Variants in TTYH2 observed in about 807,000 individuals in gnomAD.
TTYH2 encodes tweety family member 2.
A neutral mutation model predicts 68.3 loss-of-function variants in TTYH2; 49 were observed. That is an observed-to-expected ratio of 0.72 (90% confidence interval 0.57 to 0.91). The LOEUF (loss-of-function observed/expected upper bound fraction) is 0.91, where lower values mean the gene tolerates loss of function less well. TTYH2 is among the 40% of genes least tolerant of loss of function. The probability of loss-of-function intolerance (pLI) is 0.00; values close to 1 mark genes in which losing one functional copy is unlikely to be tolerated. For missense variants in TTYH2, 631 were observed against 700.4 expected, an observed-to-expected ratio of 0.90 and a Z score of 1.12; for synonymous variants, 272 against 300.8, an observed-to-expected ratio of 0.90 and a Z score of 0.99.
intron 2 of TTYH2, among the ~76,000 whole-genome samples, 187 bp from the exon 3 acceptor site, chr17:74,230,701 C>T (rs141553680): frequency 6.6e-6 from 1 of 151,786 alleles, no homozygotes; most frequent in East Asian, 1.9e-4. Flanking sequence ...AGTGCAGTGC[C>T]ATGATCTTGG....
chr17:74,229,600 C>T (rs1046415285), intron 2 of TTYH2, among the ~76,000 whole-genome samples: 3 of 152,092 alleles, frequency 2.0e-5, no homozygotes, highest in Admixed American at 1.3e-4. Context: ...TCAGAATTGC[C>T]AGAACTTGGA....
At position 74,213,642 on chromosome 17, in the gene TTYH2, A is replaced by G. The variant is rs750609138; in HGVS notation, c.55A>G (p.Ser19Gly). Residue 19 changes from serine (S) to glycine (G), a missense_variant, in exon 1 of 14, where the codon AGC becomes GGC. Coordinates refer to ENST00000269346, the MANE Select transcript of TTYH2 (RefSeq NM_032646.6). This position sits in a 1 kb window ranked among gnomAD's most constrained non-coding sequence, Gnocchi z 6.1. ...TCCCTGGTGGGTCGTGTGGCTGCACAGCGTCCCGCACGTCGGCCTGCGCCT... is the reference window on the plus strand; with the variant it reads ...TCCCTGGTGGGTCGTGTGGCTGCACGGCGTCCCGCACGTCGGCCTGCGCCT... ...IAPWWVVWLH[S>G]VPHVGLRLQP... 7.4e-6 allele frequency: 12 copies of G among 1,611,744 alleles called. No individual in the cohort carries two copies. In the South Asian group the frequency reaches 1.3e-4, roughly 18 times the overall value.
In TTYH2 at chr17:74,213,671, G is replaced by C; in HGVS notation, c.84G>C (p.Gln28His). The part of the protein sequence containing the change: ...HSVPHVGLRL[Q>H]PVNSTFSPGD... ...TCCCGCACGTCGGCCTGCGCCTGCA[G>C]CCCGTGAACAGCACCTTCAGCCCCG... Residue 28 changes from glutamine (Q) to histidine (H), a missense_variant, in exon 1 of 14, where the codon CAG (glutamine) becomes CAC (histidine). Coordinates refer to ENST00000269346, the MANE Select transcript of TTYH2 (RefSeq NM_032646.6). This position sits in a 1 kb window ranked among gnomAD's most constrained non-coding sequence, Gnocchi z 6.1. The C allele has an allele frequency of 6.2e-7, 1 of 1,612,976 alleles. No individual in the cohort carries two copies. The highest frequency in any genetic ancestry group is 8.5e-7 in the Non-Finnish European group (1 of 1,179,724).
Position 74,252,299 on chromosome 17 carries a change from C to T in TTYH2, c.1182C>T (p.Leu394=). ...TCCAGGGCTTGCTGTACCTTGGCCTCTTCTCCTTCCTGGCCGCCCTCGCCT... is the reference window on the plus strand; with the variant it reads ...TCCAGGGCTTGCTGTACCTTGGCCTTTTCTCCTTCCTGGCCGCCCTCGCCT... ...DGLQGLLYLG[L]FSFLAALAFS... is the part of the protein sequence containing the mutation. Residue 394 remains leucine (L), a synonymous_variant, in exon 11 of 14, where the codon CTC becomes CTT. Coordinates refer to ENST00000269346, the MANE Select transcript of TTYH2 (RefSeq NM_032646.6). 1 of 1,613,944 alleles carries T rather than the reference C, an allele frequency of 6.2e-7. No individual in the cohort carries two copies. The highest frequency in any genetic ancestry group is 8.5e-7 in the Non-Finnish European group (1 of 1,180,042).
At chr17:74,257,122 T>C (rs2050701083) in intron 13 of TTYH2, 1 of 152,260 alleles carries the variant, frequency 6.6e-6, no homozygotes, top group African/African-American at 2.4e-5. Context: ...AATTACTCTA[T>C]GCACTGTGAT....
chr17:74,223,770 G>T (rs888345833), intron 2 of TTYH2, among the ~76,000 whole-genome samples: 1 of 152,190 alleles, frequency 6.6e-6, no homozygotes, highest in Non-Finnish European at 1.5e-5. Context: ...CAGCAGGCTG[G>T]CAGCCAGGCA....
chr17:74,233,966 G>A (rs903210645), intron 3 of TTYH2, among the ~76,000 whole-genome samples: 1 of 152,182 alleles, frequency 6.6e-6, no homozygotes, highest in Non-Finnish European at 1.5e-5. Context: ...TTTCAGAGCA[G>A]AAACCAGAAC....
chr17:74,242,364 A>T (rs191043461), intron 4 of TTYH2, among the ~76,000 whole-genome samples: 1 of 152,238 alleles, frequency 6.6e-6, no homozygotes, highest in East Asian at 1.9e-4. Context: ...GCCTGGCACA[A>T]ATGTTGTTTA....
intron 6 of TTYH2, chr17:74,248,135 G>A (rs2050579829): frequency 2.5e-6 from 1 of 394,674 alleles, no homozygotes; most frequent in Non-Finnish European, 3.4e-6. Flanking sequence ...CACTCAGAGG[G>A]GTCCCCTGCC....
Position 74,260,854 on chromosome 17 carries a change from GGT to G in TTYH2, c.*647_*648del. The G allele has an allele frequency of 6.5e-6, 1 of 154,112 alleles. No individual in the cohort carries two copies. The highest frequency in any genetic ancestry group is 6.4e-5 in the Admixed American group (1 of 15,682). The allele number at this position is 154,112 out of a possible 1,614,324, so 9.5% of individuals were successfully genotyped here. On this transcript the variant is annotated 3_prime_UTR_variant, in exon 14 of 14. Transcript: ENST00000269346. Reference sequence around the variant, plus strand: ...CTCCGGGGCTGGGGGATCACAGGCTGGTGAACCCCGGTGGGAACAGAGGTGAA... The same window carrying G: ...CTCCGGGGCTGGGGGATCACAGGCTGGAACCCCGGTGGGAACAGAGGTGAA...
At chr17:74,259,007 C>G (rs2050720277) in intron 13 of TTYH2, among the ~76,000 whole-genome samples, 1 of 151,756 alleles carries the variant, frequency 6.6e-6, no homozygotes, top group East Asian at 1.9e-4. Flanking sequence ...AATCTCAGGT[C>G]CTGTGGACAA....
rs1485066212 is a variant in TTYH2, at chr17:74,237,310, A to G, written c.431A>G (p.Gln144Arg). ...CCTCCCTAGGTTTCCGGAACTACCC[A>G]GAAGATGAAGGTGGACCTAGAGCAG... ...GIDALVSGTT[Q>R]KMKVDLEQHL... The change falls in exon 4 of 14, where the codon CAG becomes CGG. Residue 144 changes from glutamine to arginine, a missense_variant. Coordinates refer to ENST00000269346, the MANE Select transcript of TTYH2 (RefSeq NM_032646.6). 2.5e-6 allele frequency: 4 copies of G among 1,613,996 alleles called. No homozygotes were observed. Among genetic ancestry groups the G allele is most frequent in the Non-Finnish European group, 3.4e-6 (4 of 1,180,014 alleles).
At chr17:74,248,700 A>T in intron 6 of TTYH2, 1 of 1,239,292 alleles carries the variant, frequency 8.1e-7, no homozygotes, top group Non-Finnish European at 1.0e-6. Flanking sequence ...GCATTCGGGA[A>T]TAAGAGTAAC....
chr17:74,251,620 G>A (rs55772950), intron 10 of TTYH2, among the ~76,000 whole-genome samples: 1 of 151,398 alleles, frequency 6.6e-6, no homozygotes, highest in East Asian at 1.9e-4. Flanking sequence ...CTTCCACCAC[G>A]ATCCGGTCCT....
intron 2 of TTYH2, among the ~76,000 whole-genome samples, chr17:74,230,477 G>A (rs2050376979): frequency 1.3e-5 from 2 of 152,110 alleles, no homozygotes; most frequent in Admixed American, 1.3e-4. Flanking sequence ...TGGGCTCTGG[G>A]TGATGATGTG....
Position 74,253,130 on chromosome 17 carries a change from G to T in TTYH2, c.1309G>T (p.Ala437Ser). The T allele has an allele frequency of 6.2e-7, 1 of 1,613,924 alleles. No homozygotes were observed. The highest frequency in any genetic ancestry group is 8.5e-7 in the Non-Finnish European group (1 of 1,179,910). ...TGATGATGACCCCTTTAACCCCCAA[G>T]CCTGGCGCATGGCGGCTCACAGTCC... Reference protein sequence around the residue: ...IDDDDPFNPQAWRMAAHSPPR... With the variant: ...IDDDDPFNPQSWRMAAHSPPR... The change falls in exon 12 of 14, where the codon GCC (alanine) becomes TCC (serine). Residue 437 changes from alanine to serine, a missense_variant. Physicochemically the swap from Ala to Ser is moderately conservative, Grantham distance 99 (BLOSUM62 1). Coordinates refer to ENST00000269346, the MANE Select transcript of TTYH2 (RefSeq NM_032646.6).
intron 2 of TTYH2, among the ~76,000 whole-genome samples, chr17:74,224,562 G>A (rs11652830): frequency 0.018 from 2,708 of 152,284 alleles, 29 homozygotes; most frequent in African/African-American, 0.031. Flanking sequence ...AATGTGCGTG[G>A]CAGAATCCAT....
At position 74,258,724 on chromosome 17, in the gene TTYH2, G is replaced by A. The variant is rs372584867; in HGVS notation, c.1525-1405G>A. Reference sequence around the variant, plus strand: ...GGGGGGTTCCTGTACATTGTAGGACGTCTAGCAGCATCCCTGGCATCTACT... The same window carrying A: ...GGGGGGTTCCTGTACATTGTAGGACATCTAGCAGCATCCCTGGCATCTACT... On this transcript the variant is annotated intron_variant, in intron 13 of 13. Coordinates refer to ENST00000269346, the MANE Select transcript of TTYH2 (RefSeq NM_032646.6). 1.2e-3 allele frequency among the ~76,000 whole-genome samples: 183 copies of A among 152,116 alleles called. 1 individual carries two copies. The highest frequency in any genetic ancestry group is 3.5e-3 in the Admixed American group (54 of 15,270).
chr17:74,244,564 G>A (rs965315810), intron 6 of TTYH2, among the ~76,000 whole-genome samples: 1 of 151,676 alleles, frequency 6.6e-6, no homozygotes, highest in Admixed American at 6.6e-5. Context: ...CACACATGCT[G>A]TATGTTTCTG....
Sources: allele counts gnomAD v4.1 joint callset (sites outside exome capture counted in the v4.1 genomes callset), GRCh38; gene constraint gnomAD v4.1.1; non-coding constraint Gnocchi (gnomAD v3.1); transcripts MANE v1.5; gene names NCBI Gene and HGNC (gene_info 2026-07-23, HGNC 2026-07-21).